The following EGLN3 variants were observed in gnomAD, a reference collection of about 807,000 sequenced individuals.
EGLN3 encodes egl-9 family hypoxia inducible factor 3.
In EGLN3, 15 loss-of-function variants were observed where a neutral mutation model predicts 26.0. The observed-to-expected ratio is 0.58, with a 90% CI of 0.39 to 0.89. The LOEUF (loss-of-function observed/expected upper bound fraction) is 0.89, where lower values mean the gene tolerates loss of function less well. EGLN3 is among the 40% of genes least tolerant of loss of function. The pLI is 0.00. For missense variants in EGLN3, 238 were observed against 311.6 expected, an observed-to-expected ratio of 0.76 and a Z score of 1.78; for synonymous variants, 147 against 127.2, an observed-to-expected ratio of 1.16 and a Z score of -1.05.
At position 33,931,428 on chromosome 14, in the gene EGLN3, G is replaced by A. The variant is rs901162546; in HGVS notation, c.358-213C>T. 7 of 583,488 alleles carry A rather than the reference G, an allele frequency of 1.2e-5. No homozygotes were observed. In the Admixed American group the frequency reaches 1.4e-4, roughly 11 times the overall value. The allele number at this position is 583,488 out of a possible 1,614,324, so 36.1% of individuals were successfully genotyped here. Reference sequence around the variant, plus strand: ...CTATGGCTCTGCCCAGTGGAAAGTAGTTCAACAATATTCCCACAGTTCTAG... The same window carrying A: ...CTATGGCTCTGCCCAGTGGAAAGTAATTCAACAATATTCCCACAGTTCTAG... On this transcript the variant is annotated intron_variant, in intron 1 of 4. Transcript: ENST00000250457.
At chr14:33,935,025 G>A (rs1305581453) in intron 1 of EGLN3, among the ~76,000 whole-genome samples, 1 of 152,200 alleles carries the variant, frequency 6.6e-6, no homozygotes, top group Non-Finnish European at 1.5e-5. Flanking sequence ...AGAAATACCA[G>A]CCAACCTTTG....
chr14:33,925,985 C>A, intron 4 of EGLN3, 63 bp from the exon 5 acceptor site: 1 of 1,533,870 alleles, frequency 6.5e-7, no homozygotes, highest in South Asian at 1.1e-5. Context: ...AGTTTTATGT[C>A]ACAAATGTCA....
rs2064352988 is a variant in EGLN3, at chr14:33,925,178, T to G, written c.*713A>C. Reference sequence around the variant, plus strand: ...TCTAGTTTTTTAGCTTCTGGGGAATTAGGTTCCCAGGTAAGAACTGAAAAT... The same window carrying G: ...TCTAGTTTTTTAGCTTCTGGGGAATGAGGTTCCCAGGTAAGAACTGAAAAT... On this transcript the variant is annotated 3_prime_UTR_variant, in exon 5 of 5. Transcript: ENST00000250457. 1.3e-5 allele frequency: 2 copies of G among 152,142 alleles called. No homozygotes were observed. The highest frequency in any genetic ancestry group is 2.9e-5 in the Non-Finnish European group (2 of 68,020). The allele number at this position is 152,142 out of a possible 1,614,324, so 9.4% of individuals were successfully genotyped here.
intron 3 of EGLN3, among the ~76,000 whole-genome samples, chr14:33,928,433 G>T (rs1487150625): frequency 6.6e-6 from 1 of 152,142 alleles, no homozygotes; most frequent in Non-Finnish European, 1.5e-5. Context: ...ATGAGAGGCA[G>T]AATTGAGAAT....
chr14:33,950,905 G>T lies in EGLN3; in HGVS notation c.-153C>A. On this transcript the variant is annotated 5_prime_UTR_variant, in exon 1 of 5. Coordinates refer to ENST00000250457, the MANE Select transcript of EGLN3 (RefSeq NM_022073.4). ...CGAGCCGCTGCAGCGTCGGGGACAAGGGAAAGTTTCTCGCAACTCTCGGGA... is the reference window on the plus strand; with the variant it reads ...CGAGCCGCTGCAGCGTCGGGGACAATGGAAAGTTTCTCGCAACTCTCGGGA... 1.4e-6 allele frequency: 1 copy of T among 704,678 alleles called. No homozygotes were observed. Among genetic ancestry groups the T allele is most frequent in the Non-Finnish European group, 2.4e-6 (1 of 408,350 alleles). The allele number at this position is 704,678 out of a possible 1,614,324, so 43.7% of individuals were successfully genotyped here. A position where few individuals can be genotyped will look rare whatever the true frequency, so the allele number is the denominator to read the frequency against.
chr14:33,928,340 C>T (rs2064377022), intron 3 of EGLN3, among the ~76,000 whole-genome samples: 2 of 152,138 alleles, frequency 1.3e-5, no homozygotes, highest in Admixed American at 6.5e-5. Context: ...CCTCCTGCCC[C>T]TGAATGCTAG....
At chr14:33,933,690 A>C (rs930128182) in intron 1 of EGLN3, among the ~76,000 whole-genome samples, 1 of 152,106 alleles carries the variant, frequency 6.6e-6, no homozygotes, top group Non-Finnish European at 1.5e-5. Flanking sequence ...CTCGTCTTTG[A>C]CAGGGTCTAA....
chr14:33,935,615 AC>A (rs2064436280), intron 1 of EGLN3, among the ~76,000 whole-genome samples: 1 of 139,490 alleles, frequency 7.2e-6, no homozygotes, highest in Non-Finnish European at 1.6e-5. Flanking sequence ...ACACACACAC[AC>A]ACACATATAT....
chr14:33,941,450 T>A (rs2064482571), intron 1 of EGLN3, among the ~76,000 whole-genome samples: 1 of 151,814 alleles, frequency 6.6e-6, no homozygotes, highest in Non-Finnish European at 1.5e-5. Flanking sequence ...TCCATTGAGA[T>A]GGTCTCACAT....
At chr14:33,949,921 G>A in intron 1 of EGLN3, 1 of 232,426 alleles carries the variant, frequency 4.3e-6, no homozygotes, top group Non-Finnish European at 8.3e-6. Context: ...CTGCCACATG[G>A]CAAAATCACA....
At chr14:33,938,808 G>A (rs2064460181) in intron 1 of EGLN3, among the ~76,000 whole-genome samples, 1 of 152,206 alleles carries the variant, frequency 6.6e-6, no homozygotes, top group Non-Finnish European at 1.5e-5. Context: ...TACTGGGAAG[G>A]TGAGCAGCAG....
rs2064366489 is a variant in EGLN3, at chr14:33,927,003, A to G, written c.645T>C (p.Ala215=). The G allele has an allele frequency of 6.2e-7, 1 of 1,609,650 alleles. No homozygotes were observed. Among genetic ancestry groups the G allele is most frequent in the Non-Finnish European group, 8.5e-7 (1 of 1,178,100 alleles). ...RYAMTVWYFD[A]EERAEAKKKF... Reference sequence around the variant, plus strand: ...TCTTTTTGGCTTCTGCCCTTTCTTCAGCATCAAAGTACCAGACAGTCATAG... The same window carrying G: ...TCTTTTTGGCTTCTGCCCTTTCTTCGGCATCAAAGTACCAGACAGTCATAG... The change falls in exon 4 of 5, where the codon GCT becomes GCC. Residue 215 remains alanine (A), a synonymous_variant. Coordinates refer to ENST00000250457, the MANE Select transcript of EGLN3 (RefSeq NM_022073.4).
At chr14:33,946,803 C>T (rs1250236497) in intron 1 of EGLN3, among the ~76,000 whole-genome samples, 1 of 152,332 alleles carries the variant, frequency 6.6e-6, no homozygotes, top group Admixed American at 6.5e-5. Flanking sequence ...AACAGCTTTA[C>T]GGCATTATTT....
chr14:33,947,971 C>G (rs1313679375), intron 1 of EGLN3, among the ~76,000 whole-genome samples: 1 of 152,070 alleles, frequency 6.6e-6, no homozygotes, highest in Non-Finnish European at 1.5e-5. Flanking sequence ...TCACTTGAAC[C>G]CAGGAGGCAG....
chr14:33,927,915 A>C (rs920009379), intron 3 of EGLN3, among the ~76,000 whole-genome samples: 1 of 152,104 alleles, frequency 6.6e-6, no homozygotes, highest in African/African-American at 2.4e-5. Context: ...TATCCCATTC[A>C]TTGGATAGAC....
rs1029289681 is a variant in EGLN3, at chr14:33,950,447, G to C, written c.306C>G (p.Val102=). 2.5e-6 allele frequency: 4 copies of C among 1,613,290 alleles called. No homozygotes were observed. The highest frequency in any genetic ancestry group is 3.4e-6 in the Non-Finnish European group (4 of 1,180,038). The change falls in exon 1 of 5, where the codon GTC becomes GTG. Residue 102 remains valine, a synonymous_variant. Coordinates refer to ENST00000250457, the MANE Select transcript of EGLN3 (RefSeq NM_022073.4). ...TGCCCAGCCGGCTCCCGCAGTAGAG[G>C]ACCAGCCTGTCGATGAGGGACAGGA... is the stretch of plus-strand genomic sequence containing the variant. ...SFLLSLIDRL[V]LYCGSRLGKY...
At chr14:33,944,936 A>G (rs1197764516) in intron 1 of EGLN3, among the ~76,000 whole-genome samples, 2 of 152,210 alleles carry the variant, frequency 1.3e-5, no homozygotes, top group African/African-American at 4.8e-5. Flanking sequence ...AGAAATTACA[A>G]ATTAAACACA....
chr14:33,935,328 G>A (rs1379627082), intron 1 of EGLN3, among the ~76,000 whole-genome samples: 1 of 152,124 alleles, frequency 6.6e-6, no homozygotes, highest in East Asian at 1.9e-4. Context: ...TTCTACTTAA[G>A]TGTTTTGTAG....
chr14:33,945,165 G>A (rs1270799488), intron 1 of EGLN3, among the ~76,000 whole-genome samples: 1 of 152,164 alleles, frequency 6.6e-6, no homozygotes, highest in Admixed American at 6.6e-5. Context: ...ATGATCCAGA[G>A]CTTCAAACTC....
Sources: allele counts gnomAD v4.1 joint callset (sites outside exome capture counted in the v4.1 genomes callset), GRCh38; gene constraint gnomAD v4.1.1; transcripts MANE v1.5; gene names NCBI Gene and HGNC (gene_info 2026-07-23, HGNC 2026-07-21).